The following NBAS variants were observed in gnomAD, a reference collection of about 807,000 sequenced individuals.
NBAS encodes NBAS subunit of NRZ tethering complex, also known as NAG/BC035112 fusion.
Under a neutral mutation model 302.5 loss-of-function variants are expected in NBAS, and 219 were observed. The observed-to-expected ratio is 0.72, with a 90% CI of 0.65 to 0.81. The LOEUF (loss-of-function observed/expected upper bound fraction) is 0.81. Among genes scored for constraint, NBAS ranks in the 30% least tolerant of loss-of-function variants. The pLI, the probability that NBAS is intolerant of heterozygous loss-of-function variation, is 0.00. For synonymous variants in NBAS, 1,118 were observed against 1,021.6 expected, an observed-to-expected ratio of 1.09 and a Z score of -1.80; for missense variants, 2,932 against 2,841.6, an observed-to-expected ratio of 1.03 and a Z score of -0.72.
At chr2:15,287,797 C>T (rs141351224) in intron 41 of NBAS, among the ~76,000 whole-genome samples, 5,018 of 150,564 alleles carry the variant, frequency 0.033, 200 homozygotes, top group African/African-American at 0.12. Flanking sequence ...ACATCCTGAG[C>T]ACCCCGTGTA....
the NBAS span, among the ~76,000 whole-genome samples, chr2:15,161,561 T>C: frequency 6.6e-6 from 1 of 152,168 alleles, no homozygotes. Flanking sequence ...AGTTCACCCC[T>C]TTTCTAAGGG....
At chr2:14,999,777 A>G in the NBAS span, among the ~76,000 whole-genome samples, 996 of 152,260 alleles carry the variant, frequency 6.5e-3, 11 homozygotes, top group South Asian at 0.02. Context: ...TAATTTATCT[A>G]TTATTTAGTT....
intron 27 of NBAS, 128 bp from the exon 28 acceptor site, chr2:15,394,477 T>G: frequency 4.4e-6 from 4 of 919,098 alleles, no homozygotes; most frequent in Non-Finnish European, 6.6e-6. Context: ...TAATCCAATT[T>G]TACATATAAC....
chr2:15,129,035 G>A, the NBAS span, among the ~76,000 whole-genome samples: 1 of 152,202 alleles, frequency 6.6e-6, no homozygotes, highest in African/African-American at 2.4e-5. Context: ...GCCCATGGGC[G>A]GGCCCTGCCT....
chr2:15,475,596 A>G (rs1680153574), intron 14 of NBAS, 91 bp downstream of exon 14: 2 of 1,251,724 alleles, frequency 1.6e-6, no homozygotes, highest in Middle Eastern at 2.5e-4. Context: ...TTTTTAAAGA[A>G]AAGATAATAA....
the NBAS span, among the ~76,000 whole-genome samples, chr2:14,861,533 C>T: frequency 3.5e-4 from 53 of 152,312 alleles, no homozygotes; most frequent in African/African-American, 1.3e-3. Context: ...TCTTGAAAAA[C>T]ACAGACTTTA....
chr2:15,338,115 T>C (rs1319427950), intron 35 of NBAS, among the ~76,000 whole-genome samples: 1 of 152,206 alleles, frequency 6.6e-6, no homozygotes, highest in Non-Finnish European at 1.5e-5. Flanking sequence ...AGAACATGGA[T>C]AGTGCCATGT....
intron 48 of NBAS, among the ~76,000 whole-genome samples, chr2:15,203,701 C>T (rs776135860): frequency 6.6e-6 from 1 of 152,074 alleles, no homozygotes; most frequent in Non-Finnish European, 1.5e-5. Flanking sequence ...AGCACTAAAT[C>T]CCAGAGAATG....
chr2:15,136,154 G>A, the NBAS span, among the ~76,000 whole-genome samples: 1 of 152,160 alleles, frequency 6.6e-6, no homozygotes, highest in Admixed American at 6.5e-5. Flanking sequence ...GAGAGAGCAG[G>A]AAGATTCTTG....
At position 15,379,754 on chromosome 2, in the gene NBAS, A is replaced by C; in HGVS notation, c.3438T>G (p.Ala1146=). Residue 1146 remains alanine, a synonymous_variant, in exon 30 of 52, where the codon GCT becomes GCG. Transcript: ENST00000281513. The stretch of plus-strand genomic sequence containing the variant: ...TACCAGCTGGAGGATTTTCTGAACA[A>C]GCACTGCAGTGCATCATCTGTCCAG... The part of the protein sequence containing the change: ...HLAGQMMHCS[A]CSENPPAGIA... The C allele has an allele frequency of 1.9e-6, 3 of 1,614,086 alleles. No individual in the cohort carries two copies. The highest frequency in any genetic ancestry group is 2.5e-6 in the Non-Finnish European group (3 of 1,179,990).
the NBAS span, among the ~76,000 whole-genome samples, chr2:14,809,481 A>T: frequency 6.6e-6 from 1 of 152,156 alleles, no homozygotes; most frequent in East Asian, 1.9e-4. Context: ...GACATCTTCC[A>T]TGTGGTGTTG....
At chr2:15,275,057 A>G (rs1669507176) in intron 44 of NBAS, among the ~76,000 whole-genome samples, 1 of 151,818 alleles carries the variant, frequency 6.6e-6, no homozygotes, top group Admixed American at 6.6e-5. Context: ...TGCTGGGATT[A>G]CAGGCTTGAG....
At chr2:14,893,423 A>T in the NBAS span, among the ~76,000 whole-genome samples, 1 of 151,654 alleles carries the variant, frequency 6.6e-6, no homozygotes, top group Non-Finnish European at 1.5e-5. Context: ...TCTTTTTCTA[A>T]TTTTTAAGAT....
At chr2:15,117,158 C>T in the NBAS span, among the ~76,000 whole-genome samples, 527 of 152,244 alleles carry the variant, frequency 3.5e-3, 3 homozygotes, top group African/African-American at 0.012. Context: ...GGCTTATGCA[C>T]GGCCACCTGA....
At chr2:15,083,550 G>A in the NBAS span, among the ~76,000 whole-genome samples, 1 of 152,174 alleles carries the variant, frequency 6.6e-6, no homozygotes, top group Admixed American at 6.5e-5. Context: ...GCCCTCTTCT[G>A]CATTTTTATT....
intron 21 of NBAS, among the ~76,000 whole-genome samples, chr2:15,459,013 C>T (rs1049030582): frequency 6.6e-6 from 1 of 152,136 alleles, no homozygotes; most frequent in African/African-American, 2.4e-5. Flanking sequence ...AATTATTGAT[C>T]ACAATTTAAA....
chr2:15,519,970 A>C (rs1391834103), intron 9 of NBAS, among the ~76,000 whole-genome samples: 2 of 152,234 alleles, frequency 1.3e-5, no homozygotes, highest in Non-Finnish European at 2.9e-5. Context: ...TTAAAGACAA[A>C]ACATGGGAAT....
chr2:15,348,636 C>T (rs1389733699), intron 35 of NBAS, among the ~76,000 whole-genome samples: 1 of 151,812 alleles, frequency 6.6e-6, no homozygotes, highest in African/African-American at 2.4e-5. Flanking sequence ...CTCACACTGG[C>T]CAAAACATCA....
chr2:15,045,830 A>T, the NBAS span, among the ~76,000 whole-genome samples: 1 of 152,206 alleles, frequency 6.6e-6, no homozygotes, highest in Non-Finnish European at 1.5e-5. Flanking sequence ...TCCCACTAAC[A>T]GTCTACAAGA....
Sources: gnomAD v4.1 joint callset for allele counts (sites outside exome capture counted in the v4.1 genomes callset) on GRCh38, gnomAD v4.1.1 for gene constraint, MANE v1.5 for transcripts, NCBI Gene and HGNC (gene_info 2026-07-23, HGNC 2026-07-21) for gene names.